The following RPH3A variants were observed in gnomAD, a reference collection of about 807,000 sequenced individuals.
The protein encoded by RPH3A is rabphilin 3A, also known as rabphilin-3A.
In RPH3A, 48 loss-of-function variants were observed where a neutral mutation model predicts 102.2. The ratio of observed to expected loss-of-function variants is 0.47; its 90% CI spans 0.37 to 0.60. The LOEUF (loss-of-function observed/expected upper bound fraction) is 0.60, where lower values mean the gene tolerates loss of function less well. Among genes scored for constraint, RPH3A ranks in the 20% least tolerant of loss-of-function variants. RPH3A has a pLI of 0.00. For synonymous variants in RPH3A, 310 were observed against 324.3 expected (o/e 0.96, Z 0.47); for missense variants, 781 against 910.1 (o/e 0.86, Z 1.83).
Position 112,853,648 on chromosome 12 carries a change from G to A in RPH3A, c.230+5806G>A, listed in dbSNP as rs1020618077. Among the ~76,000 whole-genome samples, 3 of 152,236 alleles carry A rather than the reference G, an allele frequency of 2.0e-5. 1 individual carries two copies. In the South Asian group the frequency reaches 6.2e-4, roughly 32 times the overall value. ...GTTTGAGACCAGCCTGGCCAACATG[G>A]TGAAATCCTATCTCTACTAAAAATA... On this transcript the variant is annotated intron_variant, in intron 5 of 21. Transcript: ENST00000389385.
intron 1 of RPH3A, among the ~76,000 whole-genome samples, chr12:112,737,399 A>G (rs1420542772): frequency 1.3e-5 from 2 of 152,176 alleles, no homozygotes; most frequent in South Asian, 2.1e-4. Flanking sequence ...GAATGAATTC[A>G]TGTATATAAA....
chr12:112,696,789 A>T (rs747506640), intron 1 of RPH3A, among the ~76,000 whole-genome samples: 1 of 152,214 alleles, frequency 6.6e-6, no homozygotes, highest in Non-Finnish European at 1.5e-5. Flanking sequence ...TTTGGTCTCC[A>T]TCATATCTCT....
At chr12:112,581,505 C>T (rs1437880376) in intron 1 of RPH3A, among the ~76,000 whole-genome samples, 1 of 152,120 alleles carries the variant, frequency 6.6e-6, no homozygotes, top group Non-Finnish European at 1.5e-5. Context: ...GATTATTCTG[C>T]CTTTATGGAA....
chr12:112,829,996 T>C (rs2041941854), intron 3 of RPH3A, among the ~76,000 whole-genome samples: 1 of 152,228 alleles, frequency 6.6e-6, no homozygotes, highest in African/African-American at 2.4e-5. Context: ...GGAATGCCTT[T>C]CTTATTATTT....
chr12:112,788,746 TG>T (rs2041067646), upstream of RPH3A, among the ~76,000 whole-genome samples: 1 of 152,194 alleles, frequency 6.6e-6, no homozygotes, highest in African/African-American at 2.4e-5. Context: ...GGGGAAGCTG[TG>T]AGAAATTCTT....
chr12:112,723,988 A>G (rs1239953596), intron 1 of RPH3A, among the ~76,000 whole-genome samples: 1 of 151,728 alleles, frequency 6.6e-6, no homozygotes, highest in Non-Finnish European at 1.5e-5. Flanking sequence ...ATGATAAAAT[A>G]CTCAAGTATC....
At chr12:112,649,072 C>G (rs907017822) in intron 1 of RPH3A, among the ~76,000 whole-genome samples, 30 of 152,352 alleles carry the variant, frequency 2.0e-4, no homozygotes, top group Non-Finnish European at 4.0e-4. Context: ...CTCGGCCTTG[C>G]AAAGTGCTGA....
chr12:112,732,154 C>G (rs1053079986), intron 1 of RPH3A, among the ~76,000 whole-genome samples: 3 of 152,278 alleles, frequency 2.0e-5, no homozygotes, highest in Admixed American at 6.5e-5. Flanking sequence ...GTCCTTGGTT[C>G]GTGGTGGGTC....
chr12:112,882,786 T>C (rs1206969251), intron 15 of RPH3A, among the ~76,000 whole-genome samples: 3 of 152,252 alleles, frequency 2.0e-5, no homozygotes, highest in Non-Finnish European at 4.4e-5. Context: ...GTGAATCATT[T>C]GCATGTTAGC....
At chr12:112,577,443 T>A (rs912455227) in intron 1 of RPH3A, among the ~76,000 whole-genome samples, 3 of 152,186 alleles carry the variant, frequency 2.0e-5, no homozygotes, top group African/African-American at 7.2e-5. Context: ...AATTAGCGTA[T>A]AATGAGCAGT....
At chr12:112,879,096 G>T (rs767826051) in intron 13 of RPH3A, 23 bp from the exon 14 acceptor site, 9 of 1,593,078 alleles carry the variant, frequency 5.6e-6, no homozygotes, top group Non-Finnish European at 6.0e-6. Context: ...CGTTATCTTG[G>T]TTCCTGTCTC....
intron 1 of RPH3A, among the ~76,000 whole-genome samples, chr12:112,686,483 G>T (rs546741472): frequency 6.6e-6 from 1 of 152,150 alleles, no homozygotes; most frequent in East Asian, 1.9e-4. Context: ...AAAAGTGCTC[G>T]TGCATCAGGG....
At chr12:112,725,252 A>G (rs2040579261) in intron 1 of RPH3A, among the ~76,000 whole-genome samples, 1 of 23,692 alleles carries the variant, frequency 4.2e-5, no homozygotes, top group South Asian at 1.5e-3. Flanking sequence ...TTGTCTCAGA[A>G]AAAAAAAAAA....
At position 112,725,386 on chromosome 12, in the gene RPH3A, A is replaced by G. The variant is rs144104336; in HGVS notation, c.-139-66757A>G. Among the ~76,000 whole-genome samples, 392 of 151,872 alleles carry G rather than the reference A, an allele frequency of 2.6e-3. 1 individual carries two copies. Among genetic ancestry groups the G allele is most frequent in the African/African-American group, 9.0e-3 (373 of 41,376 alleles). On this transcript the variant is annotated intron_variant, in intron 1 of 21. Coordinates refer to the RPH3A transcript ENST00000543106. ...TTGAGAAAGTGGTGGAGAAGAGGGG[A>G]AGAGGGGAGAAAGGAAAGGAGCGTT... is the stretch of plus-strand genomic sequence containing the variant.
chr12:112,825,833 T>C (rs1053580754), intron 2 of RPH3A, among the ~76,000 whole-genome samples: 2 of 152,078 alleles, frequency 1.3e-5, no homozygotes, highest in Non-Finnish European at 2.9e-5. Context: ...TGATAAGAGC[T>C]AGGAGGAAAA....
In RPH3A at chr12:112,897,806, T is replaced by G. The variant is rs1593144370; in HGVS notation, c.*1026T>G. ...GGCCAATGGCTGGCACTGCCCTGAG[T>G]GCATGGCAGCATCCCTCAAGCTGTG... is the stretch of plus-strand genomic sequence containing the variant. On this transcript the variant is annotated 3_prime_UTR_variant, in exon 22 of 22. Coordinates refer to ENST00000389385, the MANE Select transcript of RPH3A (RefSeq NM_001143854.2). 2 of 152,226 alleles carry G rather than the reference T, an allele frequency of 1.3e-5. No individual in the cohort carries two copies. The highest frequency in any genetic ancestry group is 1.3e-4 in the Admixed American group (2 of 15,282). The allele number at this position is 152,226 out of a possible 1,614,324, so 9.4% of individuals were successfully genotyped here. A position where few individuals can be genotyped will look rare whatever the true frequency, so the allele number is the denominator to read the frequency against.
At chr12:112,826,487 C>G (rs1262486445) in intron 2 of RPH3A, among the ~76,000 whole-genome samples, 1 of 152,144 alleles carries the variant, frequency 6.6e-6, no homozygotes, top group Non-Finnish European at 1.5e-5. Context: ...AAGAGTTTAG[C>G]TTGATGGCCT....
intron 1 of RPH3A, among the ~76,000 whole-genome samples, chr12:112,742,932 C>T (rs2040720021): frequency 6.6e-6 from 1 of 152,148 alleles, no homozygotes; most frequent in Admixed American, 6.5e-5. Flanking sequence ...AATTTGCTTT[C>T]CTGCCTTTTC....
At chr12:112,842,234 TG>T (rs1204438646) in intron 4 of RPH3A, among the ~76,000 whole-genome samples, 3 of 152,252 alleles carry the variant, frequency 2.0e-5, no homozygotes, top group Admixed American at 2.0e-4. Context: ...ATTGCCACTG[TG>T]GCAAGGATTT....
Sources: gnomAD v4.1 joint callset for allele counts (sites outside exome capture counted in the v4.1 genomes callset) on GRCh38, gnomAD v4.1.1 for gene constraint, MANE v1.5 for transcripts, NCBI Gene and HGNC (gene_info 2026-07-23, HGNC 2026-07-21) for gene names.